PRKRIP1: variants seen among roughly 807,000 people sequenced by gnomAD.
PRKRIP1 encodes PRKR-interacting protein 1.
Under a neutral mutation model 29.3 loss-of-function variants are expected in PRKRIP1, and 29 were observed. That is an observed-to-expected ratio of 0.99 (90% CI 0.74 to 1.35). PRKRIP1 has a LOEUF of 1.35. Ranked by LOEUF, PRKRIP1 falls within the 40% of genes most tolerant of loss-of-function variation. The pLI, the probability that PRKRIP1 is intolerant of heterozygous loss-of-function variation, is 0.00. For missense variants in PRKRIP1, 247 were observed against 236.8 expected (o/e 1.04, Z -0.28); for synonymous variants, 90 against 85.1 (o/e 1.06, Z -0.32).
chr7:102,399,776 C>T (rs1270755757), intron 3 of PRKRIP1, 128 bp downstream of exon 3: 8 of 659,160 alleles, frequency 1.2e-5, no homozygotes, highest in Non-Finnish European at 1.8e-5. Context: ...TTTGGAAGGC[C>T]GAGGCAGGGG....
In PRKRIP1 at chr7:102,396,538, G is replaced by C. The variant is rs1554570387; in HGVS notation, c.126+1G>C. ...GCTGGAGCGGCTCATGAAGAACCCG[G>C]TGAGACGAGGCCCAGGCTCCACGGC... On this transcript the variant is annotated splice_donor_variant, in intron 1 of 5. Transcript: ENST00000397912. LOFTEE classifies it high-confidence loss of function. 7 of 1,606,748 alleles carry C rather than the reference G, an allele frequency of 4.4e-6. No individual in the cohort carries two copies. The highest frequency in any genetic ancestry group is 5.9e-6 in the Non-Finnish European group (7 of 1,177,622).
intron 5 of PRKRIP1, among the ~76,000 whole-genome samples, chr7:102,423,615 G>A (rs1554574109): frequency 6.6e-6 from 1 of 152,024 alleles, no homozygotes; most frequent in African/African-American, 2.4e-5. Flanking sequence ...ATTAAACAGG[G>A]TACTCTATGT....
intron 5 of PRKRIP1, among the ~76,000 whole-genome samples, chr7:102,414,487 C>T (rs1796477857): frequency 6.6e-6 from 1 of 152,116 alleles, no homozygotes; most frequent in Non-Finnish European, 1.5e-5. Flanking sequence ...CATAATACAC[C>T]TAATCTTTCT....
chr7:102,415,427 G>A (rs782577295), intron 5 of PRKRIP1, among the ~76,000 whole-genome samples: 1 of 152,190 alleles, frequency 6.6e-6, no homozygotes, highest in Non-Finnish European at 1.5e-5. Flanking sequence ...GTAGAGATGG[G>A]GTTTCGCCAT....
At chr7:102,414,402 T>C (rs1554572841) in intron 5 of PRKRIP1, among the ~76,000 whole-genome samples, 1 of 152,230 alleles carries the variant, frequency 6.6e-6, no homozygotes, top group East Asian at 1.9e-4. Context: ...TATTTAACAT[T>C]ATACACGTAC....
intron 2 of PRKRIP1, among the ~76,000 whole-genome samples, chr7:102,398,069 T>C (rs940319721): frequency 2.0e-4 from 31 of 152,038 alleles, no homozygotes; most frequent in Non-Finnish European, 2.9e-4. Flanking sequence ...AAAAGGTAGC[T>C]ATAAAAATCC....
At chr7:102,400,166 T>G (rs1322372830) in intron 3 of PRKRIP1, among the ~76,000 whole-genome samples, 4 of 150,046 alleles carry the variant, frequency 2.7e-5, no homozygotes, top group Non-Finnish European at 5.9e-5. Flanking sequence ...AGAAATTAGC[T>G]GGGCGTGGTG....
At chr7:102,397,298 C>T (rs1554570526) in intron 1 of PRKRIP1, among the ~76,000 whole-genome samples, 1 of 152,122 alleles carries the variant, frequency 6.6e-6, no homozygotes, top group African/African-American at 2.4e-5. Context: ...AATTTCAGCG[C>T]TTTGGGAGGC....
intron 5 of PRKRIP1, among the ~76,000 whole-genome samples, chr7:102,409,522 C>A (rs1796321173): frequency 6.6e-6 from 1 of 152,060 alleles, no homozygotes; most frequent in African/African-American, 2.4e-5. Context: ...GACCCCATCT[C>A]TACAAACAGT....
intron 3 of PRKRIP1, among the ~76,000 whole-genome samples, chr7:102,400,137 C>G (rs1200495654): frequency 1.3e-5 from 2 of 151,664 alleles, no homozygotes; most frequent in Non-Finnish European, 2.9e-5. Flanking sequence ...ATACAAAACC[C>G]CGTCTCTACT....
At chr7:102,412,875 G>A (rs1796427186) in intron 5 of PRKRIP1, among the ~76,000 whole-genome samples, 1 of 152,124 alleles carries the variant, frequency 6.6e-6, no homozygotes, top group African/African-American at 2.4e-5. Context: ...CGGCAGTGTG[G>A]GACTTGTGTC....
intron 5 of PRKRIP1, among the ~76,000 whole-genome samples, chr7:102,415,176 C>T (rs1796499687): frequency 1.3e-5 from 2 of 152,222 alleles, no homozygotes; most frequent in African/African-American, 4.8e-5. Context: ...ACCTGCAAGA[C>T]TGTGGAGGCA....
chr7:102,404,225 C>T lies in PRKRIP1; in HGVS notation c.307-373C>T, dbSNP rs146335164. ...TGGTTGGGCTTAGGGCTTGAAAATT[C>T]CATGGTTCTGACCCTCCGGCCATTC... On this transcript the variant is annotated intron_variant, in intron 3 of 5. Transcript: ENST00000397912. 699 of 168,052 alleles carry T rather than the reference C, an allele frequency of 4.2e-3. 4 individuals carry two copies. Among genetic ancestry groups the T allele is most frequent in the African/African-American group, 0.016 (659 of 42,194 alleles). 10.4% of individuals were successfully genotyped at this position (168,052 alleles called of 1,614,324 possible). A position where few individuals can be genotyped will look rare whatever the true frequency, so the allele number is the denominator to read the frequency against.
chr7:102,407,126 A>C (rs1796249673), intron 4 of PRKRIP1, among the ~76,000 whole-genome samples: 1 of 151,742 alleles, frequency 6.6e-6, no homozygotes, highest in South Asian at 2.1e-4. Flanking sequence ...GAGGCAGGAG[A>C]ATGGTGTGAA....
intron 5 of PRKRIP1, among the ~76,000 whole-genome samples, chr7:102,424,671 G>A (rs541407536): frequency 6.6e-5 from 10 of 152,334 alleles, no homozygotes; most frequent in African/African-American, 2.2e-4. Flanking sequence ...TCAGCCTGGC[G>A]TTAGTGTTGA....
chr7:102,401,347 CATT>C (rs1157450889), intron 3 of PRKRIP1, among the ~76,000 whole-genome samples: 1 of 152,072 alleles, frequency 6.6e-6, no homozygotes, highest in Non-Finnish European at 1.5e-5. Flanking sequence ...CAAAATAAAA[CATT>C]AGGGAAAATT....
chr7:102,421,176 G>A (rs1036724165), intron 5 of PRKRIP1, among the ~76,000 whole-genome samples: 4 of 152,202 alleles, frequency 2.6e-5, no homozygotes, highest in African/African-American at 9.7e-5. Flanking sequence ...AAGAATGACT[G>A]CCACGCGTGA....
At chr7:102,401,448 G>A (rs991732043) in intron 3 of PRKRIP1, among the ~76,000 whole-genome samples, 3 of 152,088 alleles carry the variant, frequency 2.0e-5, no homozygotes, top group Non-Finnish European at 4.4e-5. Flanking sequence ...ATTCTGCTTT[G>A]GGGGGCCAGC....
chr7:102,402,630 T>G (rs1790097753), intron 3 of PRKRIP1, among the ~76,000 whole-genome samples: 1 of 152,174 alleles, frequency 6.6e-6, no homozygotes, highest in Non-Finnish European at 1.5e-5. Context: ...GAAAAATGTT[T>G]CACAAACCTT....
Sources: allele counts gnomAD v4.1 joint callset (sites outside exome capture counted in the v4.1 genomes callset), GRCh38; gene constraint gnomAD v4.1.1; transcripts MANE v1.5; gene names NCBI Gene and HGNC (gene_info 2026-07-23, HGNC 2026-07-21).